The following METTL8 variants were observed in gnomAD, a reference collection of about 807,000 sequenced individuals.
METTL8 encodes the protein methyltransferase 8, tRNA N3-cytidine.
Under a neutral mutation model 48.7 loss-of-function variants are expected in METTL8, and 32 were observed. The ratio of observed to expected loss-of-function variants is 0.66; its 90% CI spans 0.50 to 0.88. The LOEUF (loss-of-function observed/expected upper bound fraction) is 0.88. METTL8 is among the 40% of genes least tolerant of loss of function. METTL8 has a pLI of 0.00. For synonymous variants in METTL8, 136 were observed against 157.1 expected, an observed-to-expected ratio of 0.87 and a Z score of 1.01; for missense variants, 464 against 474.4, an observed-to-expected ratio of 0.98 and a Z score of 0.20.
At position 171,392,197 on chromosome 2, in the gene METTL8, C is replaced by T; in HGVS notation, c.-12G>A. ...CAAATCATATTCATCCTAAGCAGTACCTAAAAAGTTACAAATGATTAATTA... is the reference window on the plus strand; with the variant it reads ...CAAATCATATTCATCCTAAGCAGTATCTAAAAAGTTACAAATGATTAATTA... On this transcript the variant is annotated splice_region_variant and 5_prime_UTR_variant, in exon 2 of 10. Coordinates refer to ENST00000375258, the MANE Select transcript of METTL8 (RefSeq NM_001321154.2). 6.5e-7 allele frequency: 1 copy of T among 1,548,942 alleles called. No individual in the cohort carries two copies. The highest frequency in any genetic ancestry group is 1.2e-5 in the South Asian group (1 of 83,428).
chr2:171,375,217 A>G (rs1574038238), intron 2 of METTL8: 2 of 1,345,642 alleles, frequency 1.5e-6, no homozygotes, highest in Non-Finnish European at 2.1e-6. Context: ...AGTGCAGCGA[A>G]TAGGATGCAC....
chr2:171,367,614 G>C (rs1469075841), intron 2 of METTL8, among the ~76,000 whole-genome samples: 1 of 151,896 alleles, frequency 6.6e-6, no homozygotes, highest in Non-Finnish European at 1.5e-5. Flanking sequence ...GTAAATATGT[G>C]GGTAATTATA....
chr2:171,341,564 T>G (rs1311848356), intron 3 of METTL8, among the ~76,000 whole-genome samples: 1 of 151,706 alleles, frequency 6.6e-6, no homozygotes, highest in East Asian at 1.9e-4. Flanking sequence ...CCTTTTTTTT[T>G]TTCCGTGTTC....
At chr2:171,401,037 G>A (rs1457673753) in intron 1 of METTL8, among the ~76,000 whole-genome samples, 1 of 152,070 alleles carries the variant, frequency 6.6e-6, no homozygotes, top group Non-Finnish European at 1.5e-5. Context: ...CCTGAGTTCT[G>A]AGTATCCTTT....
At chr2:171,434,770 G>A, upstream of METTL8, 3 of 1,390,636 alleles carry the variant, frequency 2.2e-6, no homozygotes, top group South Asian at 1.6e-5. Context: ...CTCCTGCGGG[G>A]ATGCGGTTTT....
chr2:171,419,657 C>A (rs772594458), intron 1 of METTL8, among the ~76,000 whole-genome samples: 5 of 152,130 alleles, frequency 3.3e-5, no homozygotes, highest in Non-Finnish European at 7.3e-5. Context: ...TTTTCTCTGG[C>A]CCCCTTCAGT....
intron 1 of METTL8, among the ~76,000 whole-genome samples, chr2:171,400,102 A>T (rs763483730): frequency 1.1e-4 from 16 of 152,132 alleles, no homozygotes; most frequent in Non-Finnish European, 2.2e-4. Flanking sequence ...ACTTATATAC[A>T]GTATATTATC....
At chr2:171,394,190 T>A (rs1284209692) in intron 1 of METTL8, among the ~76,000 whole-genome samples, 2 of 152,200 alleles carry the variant, frequency 1.3e-5, no homozygotes, top group East Asian at 3.8e-4. Context: ...TTTTTAGAGC[T>A]CTTTCTGCAG....
intron 2 of METTL8, among the ~76,000 whole-genome samples, chr2:171,365,107 C>T (rs186413728): frequency 3.0e-4 from 45 of 152,210 alleles, no homozygotes; most frequent in Admixed American, 1.6e-3. Context: ...GAGCCATGGG[C>T]GGCATCTGAG....
At chr2:171,341,348 A>T (rs1271978643) in intron 3 of METTL8, among the ~76,000 whole-genome samples, 2 of 151,612 alleles carry the variant, frequency 1.3e-5, no homozygotes, top group Admixed American at 6.6e-5. Flanking sequence ...AAAAATTAAT[A>T]AAGTAACCCA....
At position 171,330,774 on chromosome 2, in the gene METTL8, G is replaced by A. The variant is rs1257783794; in HGVS notation, c.721-76C>T. 9 of 1,275,804 alleles carry A rather than the reference G, an allele frequency of 7.1e-6. No individual in the cohort carries two copies. In the Admixed American group the frequency reaches 2.2e-4, roughly 31 times the overall value. 79.0% of individuals were successfully genotyped at this position (1,275,804 alleles called of 1,614,324 possible). On this transcript the variant is annotated intron_variant, in intron 6 of 9. Transcript: ENST00000375258. ...GGATTTTTTTTTTTTTAAATAAAAA[G>A]GTCAAATTTTTAACCTTTTCTCCCA...
At chr2:171,363,924 T>G (rs1685460102) in intron 2 of METTL8, among the ~76,000 whole-genome samples, 1 of 150,546 alleles carries the variant, frequency 6.6e-6, no homozygotes, top group Non-Finnish European at 1.5e-5. Flanking sequence ...GCAATTCTCC[T>G]GCCTCAGCCT....
intron 3 of METTL8, among the ~76,000 whole-genome samples, chr2:171,349,011 T>A (rs1469708839): frequency 6.6e-6 from 1 of 152,182 alleles, no homozygotes; most frequent in African/African-American, 2.4e-5. Context: ...AACCACATAA[T>A]GTAAAATTTA....
chr2:171,422,084 C>A (rs1440009164), intron 1 of METTL8, among the ~76,000 whole-genome samples: 1 of 152,076 alleles, frequency 6.6e-6, no homozygotes, highest in Non-Finnish European at 1.5e-5. Context: ...AGCTCTCAAG[C>A]CTTATGATAA....
intron 5 of METTL8, 80 bp downstream of exon 5, chr2:171,337,373 A>C: frequency 9.7e-7 from 1 of 1,034,688 alleles, no homozygotes; most frequent in East Asian, 2.6e-5. Context: ...ACTGGCATAC[A>C]CGTGACAATA....
At chr2:171,359,577 A>G (rs1490199290) in intron 3 of METTL8, among the ~76,000 whole-genome samples, 1 of 152,112 alleles carries the variant, frequency 6.6e-6, no homozygotes, top group Non-Finnish European at 1.5e-5. Context: ...TGTCTACTGC[A>G]GCTCTATTCA....
At position 171,416,524 on chromosome 2, in the gene METTL8, C is replaced by T. The variant is rs567648828; in HGVS notation, c.-13+17359G>A. On this transcript the variant is annotated intron_variant, in intron 1 of 9. Coordinates refer to ENST00000375258, the MANE Select transcript of METTL8 (RefSeq NM_001321154.2). ...AGCATTTTAAGTTCAACGATTTCAC[C>T]TTATTACTTAATAATTAAAGGTGTC... 2.0e-5 allele frequency among the ~76,000 whole-genome samples: 3 copies of T among 152,292 alleles called. No homozygotes were observed. In the South Asian group the frequency reaches 6.2e-4, roughly 32 times the overall value.
At chr2:171,390,824 AATTT>A in intron 2 of METTL8, among the ~76,000 whole-genome samples, 1 of 152,288 alleles carries the variant, frequency 6.6e-6, no homozygotes, top group Non-Finnish European at 1.5e-5. Flanking sequence ...ATTTAGACAT[AATTT>A]AGACAACAAA....
intron 2 of METTL8, among the ~76,000 whole-genome samples, chr2:171,368,556 G>A (rs1275374921): frequency 6.6e-6 from 1 of 152,176 alleles, no homozygotes; most frequent in Non-Finnish European, 1.5e-5. Flanking sequence ...AGATTTTCCT[G>A]ATGAGACTGG....
Sources: gnomAD v4.1 joint callset for allele counts (sites outside exome capture counted in the v4.1 genomes callset) on GRCh38, gnomAD v4.1.1 for gene constraint, MANE v1.5 for transcripts, NCBI Gene and HGNC (gene_info 2026-07-23, HGNC 2026-07-21) for gene names.